Variants in XKR4 observed in about 807,000 individuals in gnomAD.
XKR4 encodes the protein XK related 4.
Under a neutral mutation model 53.9 loss-of-function variants are expected in XKR4, and 12 were observed. That is an observed-to-expected ratio of 0.22 (90% CI 0.14 to 0.36). The LOEUF (loss-of-function observed/expected upper bound fraction) is 0.36. XKR4 is among the 10% of genes least tolerant of loss of function. The pLI is 1.00. For synonymous variants in XKR4, 354 were observed against 362.4 expected (o/e 0.98, Z 0.26); for missense variants, 799 against 859.5 (o/e 0.93, Z 0.88).
chr8:55,169,967 A>G (rs1285627602), intron 1 of XKR4, among the ~76,000 whole-genome samples: 1 of 152,186 alleles, frequency 6.6e-6, no homozygotes, highest in African/African-American at 2.4e-5. Context: ...TTAATCTGCC[A>G]TTTTATAATG....
chr8:55,244,952 A>G (rs1585963630), intron 1 of XKR4, among the ~76,000 whole-genome samples: 2 of 130,526 alleles, frequency 1.5e-5, no homozygotes, highest in African/African-American at 3.0e-5. Context: ...CCTGGGCTGG[A>G]GTGTAATAGC....
chr8:55,119,576 T>C (rs570872925), intron 1 of XKR4, among the ~76,000 whole-genome samples: 3 of 152,214 alleles, frequency 2.0e-5, no homozygotes, highest in East Asian at 3.9e-4. Flanking sequence ...CGAAGTTGAC[T>C]GTGTTGGGGA....
At chr8:55,365,707 CA>C (rs397932881) in intron 2 of XKR4, among the ~76,000 whole-genome samples, 18,879 of 76,044 alleles carry the variant, frequency 0.25, 1,011 homozygotes, top group African/African-American at 0.3. Context: ...AACTTCGTCT[CA>C]AAAAAAAAAA....
chr8:55,437,707 A>G (rs1349413578), intron 2 of XKR4, among the ~76,000 whole-genome samples: 1 of 152,226 alleles, frequency 6.6e-6, no homozygotes, highest in Non-Finnish European at 1.5e-5. Flanking sequence ...TGGTATAGAT[A>G]TGGGCTCTGA....
intron 2 of XKR4, among the ~76,000 whole-genome samples, chr8:55,424,694 C>T (rs1217296702): frequency 2.0e-5 from 3 of 152,186 alleles, no homozygotes; most frequent in African/African-American, 7.2e-5. Flanking sequence ...TTTGGGGAAG[C>T]TTTGACTCTT....
chr8:55,452,708 G>T, intron 2 of XKR4: 1 of 1,152,866 alleles, frequency 8.7e-7, no homozygotes, highest in Non-Finnish European at 1.3e-6. Context: ...TGATGAAGTG[G>T]ACCACAGCCC....
At chr8:55,346,455 C>T (rs1049132757) in intron 1 of XKR4, among the ~76,000 whole-genome samples, 1 of 152,252 alleles carries the variant, frequency 6.6e-6, no homozygotes, top group Non-Finnish European at 1.5e-5. Context: ...GAAATAAAGT[C>T]TAATCTTGAA....
At chr8:55,459,293 C>T (rs1805614258) in intron 2 of XKR4, among the ~76,000 whole-genome samples, 1 of 152,018 alleles carries the variant, frequency 6.6e-6, no homozygotes, top group Non-Finnish European at 1.5e-5. Context: ...GAACATAGAC[C>T]TAAATGTAAG....
intron 1 of XKR4, among the ~76,000 whole-genome samples, chr8:55,173,086 C>T (rs1260166374): frequency 1.3e-5 from 2 of 152,144 alleles, no homozygotes; most frequent in Non-Finnish European, 2.9e-5. Context: ...CTCTTTTGTC[C>T]TGGAGCATAG....
intron 1 of XKR4, among the ~76,000 whole-genome samples, chr8:55,121,016 G>T (rs1298429233): frequency 2.0e-5 from 3 of 152,140 alleles, no homozygotes. Context: ...ATGCATTTAG[G>T]ATTCCTCCAT....
chr8:55,358,425 T>A (rs909936841), intron 2 of XKR4, among the ~76,000 whole-genome samples: 2 of 152,230 alleles, frequency 1.3e-5, no homozygotes, highest in African/African-American at 4.8e-5. Flanking sequence ...TTTGTGAATG[T>A]TTATTAATAT....
chr8:55,249,370 C>T (rs552277254), intron 1 of XKR4, among the ~76,000 whole-genome samples: 2 of 152,268 alleles, frequency 1.3e-5, no homozygotes, highest in East Asian at 3.9e-4. Flanking sequence ...TTTCTGTAGA[C>T]GCTTTATCTA....
At chr8:55,357,354 C>CA (rs1803833923) in intron 1 of XKR4, among the ~76,000 whole-genome samples, 1 of 152,116 alleles carries the variant, frequency 6.6e-6, no homozygotes, top group Non-Finnish European at 1.5e-5. Flanking sequence ...AAGAAACTGA[C>CA]AAAAAAGAAT....
At chr8:55,178,333 C>T (rs908248047) in intron 1 of XKR4, among the ~76,000 whole-genome samples, 5 of 152,108 alleles carry the variant, frequency 3.3e-5, no homozygotes, top group African/African-American at 4.8e-5. Flanking sequence ...ATTGTGTGAT[C>T]TTGGGCTGAC....
chr8:55,204,124 C>T (rs1287876830), intron 1 of XKR4, among the ~76,000 whole-genome samples: 13 of 151,900 alleles, frequency 8.6e-5, no homozygotes, highest in African/African-American at 3.1e-4. Flanking sequence ...AGCCCTCCCA[C>T]CGCAGTCTCT....
At chr8:55,350,638 A>G (rs1803711112) in intron 1 of XKR4, among the ~76,000 whole-genome samples, 1 of 152,190 alleles carries the variant, frequency 6.6e-6, no homozygotes, top group African/African-American at 2.4e-5. Context: ...AATCCAGAGA[A>G]GAGAGAAAGT....
At chr8:55,410,106 T>G (rs550042782) in intron 2 of XKR4, among the ~76,000 whole-genome samples, 30 of 151,648 alleles carry the variant, frequency 2.0e-4, no homozygotes, top group Non-Finnish European at 4.1e-4. Flanking sequence ...AAAAAAAGCC[T>G]TTTGAAATGG....
At chr8:55,233,487 G>A (rs1051387183) in intron 1 of XKR4, among the ~76,000 whole-genome samples, 1 of 152,158 alleles carries the variant, frequency 6.6e-6, no homozygotes, top group African/African-American at 2.4e-5. Flanking sequence ...GAAGGGCATG[G>A]CCTCATGCCT....
At chr8:55,302,986 A>C (rs1385127284) in intron 1 of XKR4, among the ~76,000 whole-genome samples, 1 of 152,130 alleles carries the variant, frequency 6.6e-6, no homozygotes, top group Non-Finnish European at 1.5e-5. Context: ...AATACCCTTT[A>C]TTTCCTTCTC....
Sources: gnomAD v4.1 joint callset for allele counts (sites outside exome capture counted in the v4.1 genomes callset) on GRCh38, gnomAD v4.1.1 for gene constraint, MANE v1.5 for transcripts, NCBI Gene and HGNC (gene_info 2026-07-23, HGNC 2026-07-21) for gene names.